Variants in PARD3B observed in about 807,000 individuals in gnomAD.
PARD3B encodes the protein partitioning defective 3 homolog B.
In PARD3B, 103 loss-of-function variants were observed where a neutral mutation model predicts 130.2. The ratio of observed to expected loss-of-function variants is 0.79; its 90% CI spans 0.67 to 0.93. PARD3B has a LOEUF of 0.93. PARD3B is among the 40% of genes least tolerant of loss of function. PARD3B has a pLI of 0.00. For synonymous variants in PARD3B, 583 were observed against 553.2 expected, an observed-to-expected ratio of 1.05 and a Z score of -0.76; for missense variants, 1,609 against 1,499.2, an observed-to-expected ratio of 1.07 and a Z score of -1.21.
chr2:205,418,560 G>A (rs2106082736), intron 19 of PARD3B, among the ~76,000 whole-genome samples: 2 of 152,166 alleles, frequency 1.3e-5, no homozygotes, highest in Middle Eastern at 3.4e-3. Flanking sequence ...TGGGACAATA[G>A]GACACACCCT....
At chr2:204,773,733 C>T (rs1023369575) in intron 2 of PARD3B, among the ~76,000 whole-genome samples, 2 of 152,014 alleles carry the variant, frequency 1.3e-5, no homozygotes, top group Non-Finnish European at 2.9e-5. Flanking sequence ...CCAACATTAT[C>T]GTTTTGGACC....
In PARD3B at chr2:204,856,251, G is replaced by A. The variant is rs148166050; in HGVS notation, c.223-108901G>A. Among the ~76,000 whole-genome samples the A allele has an allele frequency of 1.4e-4, 21 of 152,224 alleles. No individual in the cohort carries two copies. The East Asian group carries it at 3.7e-3, about 27-fold the overall frequency. ...GTAATAGTCATTCTAACAGGCAGGA[G>A]GTGATATCTCATTGTGGTTTTAATT... is the stretch of plus-strand genomic sequence containing the variant. On this transcript the variant is annotated intron_variant, in intron 2 of 22. Transcript: ENST00000406610.
chr2:205,492,947 TA>T (rs1460217250), intron 20 of PARD3B, among the ~76,000 whole-genome samples: 3 of 152,104 alleles, frequency 2.0e-5, no homozygotes, highest in Non-Finnish European at 4.4e-5. Context: ...GCTCTTCAAT[TA>T]AGAATCCTAA....
chr2:204,607,004 G>A (rs1252724220), intron 1 of PARD3B, among the ~76,000 whole-genome samples: 10 of 152,074 alleles, frequency 6.6e-5, no homozygotes, highest in Non-Finnish European at 1.5e-4. Flanking sequence ...GTACATACTG[G>A]TTAGCAAGAC....
At chr2:205,381,346 A>C (rs1255503087) in intron 18 of PARD3B, among the ~76,000 whole-genome samples, 1 of 150,068 alleles carries the variant, frequency 6.7e-6, no homozygotes, top group African/African-American at 2.4e-5. Flanking sequence ...ACTGCTGCTC[A>C]TATTTGCATT....
chr2:205,422,185 C>T (rs953892161), intron 19 of PARD3B, among the ~76,000 whole-genome samples: 2 of 152,236 alleles, frequency 1.3e-5, no homozygotes, highest in Non-Finnish European at 1.5e-5. Context: ...CACAAGAAGT[C>T]GATTTCAGAC....
chr2:205,082,981 G>GTGA (rs1701513040), intron 4 of PARD3B, among the ~76,000 whole-genome samples: 1 of 149,080 alleles, frequency 6.7e-6, no homozygotes, highest in East Asian at 2.0e-4. Flanking sequence ...GTGCAGTGAC[G>GTGA]TGATCTCGGC....
At chr2:205,613,213 A>T (rs1209701694) in intron 22 of PARD3B, among the ~76,000 whole-genome samples, 1 of 152,208 alleles carries the variant, frequency 6.6e-6, no homozygotes, top group African/African-American at 2.4e-5. Flanking sequence ...ATTTGAAGGC[A>T]AATAATGTTT....
At chr2:205,094,841 A>T (rs1395065649) in intron 4 of PARD3B, among the ~76,000 whole-genome samples, 1 of 152,148 alleles carries the variant, frequency 6.6e-6, no homozygotes, top group African/African-American at 2.4e-5. Context: ...TTTGATTGAG[A>T]TGTATTTCAG....
intron 18 of PARD3B, among the ~76,000 whole-genome samples, chr2:205,314,550 A>C (rs2042497976): frequency 6.6e-6 from 1 of 152,246 alleles, no homozygotes; most frequent in Non-Finnish European, 1.5e-5. Context: ...CTTTGAAATA[A>C]TAACTGTAAC....
At chr2:205,014,663 A>G (rs1249212076) in intron 3 of PARD3B, among the ~76,000 whole-genome samples, 1 of 152,198 alleles carries the variant, frequency 6.6e-6, no homozygotes, top group Non-Finnish European at 1.5e-5. Context: ...TGTGTTGAGC[A>G]CTGTGCTAGA....
intron 21 of PARD3B, among the ~76,000 whole-genome samples, chr2:205,503,974 T>C (rs758222306): frequency 1.1e-4 from 17 of 152,076 alleles, no homozygotes; most frequent in Non-Finnish European, 2.1e-4. Context: ...GGCTCTCTGT[T>C]TGTCTGTTAT....
chr2:205,454,877 G>T (rs927587074), intron 20 of PARD3B, among the ~76,000 whole-genome samples: 1 of 152,084 alleles, frequency 6.6e-6, no homozygotes, highest in South Asian at 2.1e-4. Context: ...TACAGGGAAG[G>T]TTAGTCTTTA....
At chr2:205,553,023 AAAGAAGAAG>A (rs71712626) in intron 21 of PARD3B, among the ~76,000 whole-genome samples, 6 of 151,368 alleles carry the variant, frequency 4.0e-5, no homozygotes, top group Admixed American at 2.0e-4. Flanking sequence ...GGTTTTAAAA[AAAGAAGAAG>A]AAGAAGAAGA....
At chr2:205,411,925 C>G (rs1175436050) in intron 19 of PARD3B, among the ~76,000 whole-genome samples, 1 of 152,088 alleles carries the variant, frequency 6.6e-6, no homozygotes, top group East Asian at 1.9e-4. Flanking sequence ...GACTGCCAGC[C>G]TCTCCAAGTC....
rs909045373 is a variant in PARD3B at position 205,128,361 on chromosome 2, C to T, written c.1434+2624C>T. ...TAATACCTTCTTCCTAGAAGCTATG[C>T]CCCTCCACCAGGTAAGGGATGCTGA... On this transcript the variant is annotated intron_variant, in intron 10 of 22. Transcript: ENST00000406610. The surrounding 1 kb of genome is among the most constrained non-coding windows in gnomAD (Gnocchi z 4.5). Among the ~76,000 whole-genome samples, 1 of 152,166 alleles carries T rather than the reference C, an allele frequency of 6.6e-6. No homozygotes were observed. Among genetic ancestry groups the T allele is most frequent in the South Asian group, 2.1e-4 (1 of 4,828 alleles).
At chr2:205,579,234 A>G (rs1337588130) in intron 22 of PARD3B, among the ~76,000 whole-genome samples, 2 of 152,158 alleles carry the variant, frequency 1.3e-5, no homozygotes, top group African/African-American at 2.4e-5. Flanking sequence ...GAGGTGAGGA[A>G]TGTCCGAGTT....
intron 1 of PARD3B, among the ~76,000 whole-genome samples, chr2:204,633,663 T>A (rs544236938): frequency 1.3e-5 from 2 of 152,108 alleles, no homozygotes; most frequent in Admixed American, 6.5e-5. Context: ...AATACAAAAT[T>A]TAGCCAGGCA....
intron 20 of PARD3B, among the ~76,000 whole-genome samples, chr2:205,447,706 A>T (rs1205090991): frequency 1.3e-5 from 2 of 152,150 alleles, no homozygotes. Flanking sequence ...GTTGGCTAGC[A>T]CCTTCAGTGG....
Sources: allele counts gnomAD v4.1 joint callset (sites outside exome capture counted in the v4.1 genomes callset), GRCh38; gene constraint gnomAD v4.1.1; non-coding constraint Gnocchi (gnomAD v3.1); transcripts MANE v1.5; gene names NCBI Gene and HGNC (gene_info 2026-07-23, HGNC 2026-07-21).